The following AKR1E2 variants were observed in gnomAD, a reference collection of about 807,000 sequenced individuals.
AKR1E2 encodes the protein aldo-keto reductase family 1 member E2, also known as 1,5-anhydro-D-fructose reductase.
A neutral mutation model predicts 41.9 loss-of-function variants in AKR1E2; 43 were observed. That is an observed-to-expected ratio of 1.03 (90% CI 0.80 to 1.32). AKR1E2 has a LOEUF of 1.32. Among genes scored for constraint, AKR1E2 ranks in the 40% most tolerant of loss-of-function variants. The pLI, the probability that AKR1E2 is intolerant of heterozygous loss-of-function variation, is 0.00. For missense variants in AKR1E2, 423 were observed against 396.5 expected, an observed-to-expected ratio of 1.07 and a Z score of -0.57; for synonymous variants, 121 against 138.9, an observed-to-expected ratio of 0.87 and a Z score of 0.91.
chr10:4,835,622 T>TTTTTGTTTTGTTTTG, intron 3 of AKR1E2, 53 bp from the exon 4 acceptor site: 1 of 1,553,832 alleles, frequency 6.4e-7, no homozygotes, highest in South Asian at 1.2e-5. Flanking sequence ...CACATGGTTT[T>TTTTTGTTTTGTTTTG]TTTTGTTTTG....
intron 8 of AKR1E2, 68 bp from the exon 9 acceptor site, chr10:4,847,080 A>C (rs904626072): frequency 1.9e-6 from 3 of 1,553,658 alleles, no homozygotes; most frequent in Non-Finnish European, 1.8e-6. Flanking sequence ...TGTGCTATGT[A>C]GGTAACATGT....
chr10:4,855,775 A>G, the AKR1E2 span, among the ~76,000 whole-genome samples: 2 of 152,226 alleles, frequency 1.3e-5, no homozygotes, highest in Non-Finnish European at 2.9e-5. Flanking sequence ...GACAGTTTTA[A>G]AGATTATTGG....
At chr10:4,847,032 T>C (rs1834384984) in intron 8 of AKR1E2, 116 bp from the exon 9 acceptor site, 2 of 1,134,480 alleles carry the variant, frequency 1.8e-6, no homozygotes, top group African/African-American at 3.1e-5. Context: ...TGATGAAGTG[T>C]TTGTTTTACA....
the AKR1E2 span, among the ~76,000 whole-genome samples, chr10:4,869,474 T>G: frequency 7.9e-5 from 12 of 152,200 alleles, no homozygotes; most frequent in South Asian, 2.5e-3. Context: ...AACAACCAAT[T>G]CTTTGCTTCA....
chr10:4,845,431 C>T (rs760792513), intron 8 of AKR1E2, among the ~76,000 whole-genome samples: 176 of 151,150 alleles, frequency 1.2e-3, no homozygotes, highest in Non-Finnish European at 2.0e-3. Context: ...AGAGGAGGCC[C>T]GGAGAGCTAG....
intron 3 of AKR1E2, among the ~76,000 whole-genome samples, chr10:4,834,790 A>G (rs963994046): frequency 2.6e-5 from 4 of 152,224 alleles, no homozygotes; most frequent in Admixed American, 2.6e-4. Context: ...AAGGTCTCAG[A>G]TCATCCAACA....
chr10:4,833,128 T>C (rs572053566), intron 2 of AKR1E2, among the ~76,000 whole-genome samples: 266 of 152,136 alleles, frequency 1.7e-3, no homozygotes, highest in Middle Eastern at 3.4e-3. Flanking sequence ...TGAGGAGGAG[T>C]CAGGCAGAAG....
chr10:4,868,849 G>T, the AKR1E2 span, among the ~76,000 whole-genome samples: 1 of 152,030 alleles, frequency 6.6e-6, no homozygotes, highest in Non-Finnish European at 1.5e-5. Context: ...ACTGATTTTT[G>T]AACATTGAAC....
chr10:4,857,856 G>A, the AKR1E2 span, among the ~76,000 whole-genome samples: 6,544 of 151,822 alleles, frequency 0.043, 152 homozygotes, highest in East Asian at 0.073. Context: ...GATTTCAGTT[G>A]AGTCTTATCA....
At chr10:4,862,031 C>A in the AKR1E2 span, among the ~76,000 whole-genome samples, 45 of 152,236 alleles carry the variant, frequency 3.0e-4, no homozygotes, top group South Asian at 7.7e-3. Flanking sequence ...ATGGTATTGC[C>A]TAGGTTTTCT....
At chr10:4,833,037 G>A (rs1455499238) in intron 2 of AKR1E2, among the ~76,000 whole-genome samples, 2 of 152,174 alleles carry the variant, frequency 1.3e-5, no homozygotes, top group Non-Finnish European at 2.9e-5. Context: ...TCTGCCTGCA[G>A]GAATTTCATT....
At chr10:4,825,758 A>T (rs1832428636), upstream of AKR1E2, among the ~76,000 whole-genome samples, 1 of 152,268 alleles carries the variant, frequency 6.6e-6, no homozygotes, top group East Asian at 1.9e-4. Context: ...GCCCCAGGGG[A>T]CGCAGGACTC....
At chr10:4,861,898 G>A in the AKR1E2 span, among the ~76,000 whole-genome samples, 1 of 152,084 alleles carries the variant, frequency 6.6e-6, no homozygotes, top group East Asian at 1.9e-4. Flanking sequence ...CACTCTGATG[G>A]TAATTTCTTT....
intron 1 of AKR1E2, among the ~76,000 whole-genome samples, chr10:4,830,415 T>C (rs1054894567): frequency 6.6e-6 from 1 of 152,238 alleles, no homozygotes; most frequent in African/African-American, 2.4e-5. Flanking sequence ...TCAGGAAGCA[T>C]ACCATCTAGC....
intron 2 of AKR1E2, among the ~76,000 whole-genome samples, chr10:4,831,278 C>T (rs1314271271): frequency 6.6e-6 from 1 of 152,150 alleles, no homozygotes; most frequent in African/African-American, 2.4e-5. Context: ...AGGCATAAGG[C>T]AGGAAGCAGC....
At chr10:4,859,446 T>G in the AKR1E2 span, among the ~76,000 whole-genome samples, 3 of 152,164 alleles carry the variant, frequency 2.0e-5, no homozygotes, top group African/African-American at 7.2e-5. Flanking sequence ...TTATTTGATA[T>G]GTGAGAGAAA....
Position 4,835,822 on chromosome 10 carries a change from A to G in AKR1E2, c.459+13A>G, listed in dbSNP as rs747535530. On this transcript the variant is annotated intron_variant, in intron 4 of 9. Coordinates refer to ENST00000298375, the MANE Select transcript of AKR1E2 (RefSeq NM_001040177.3). Reference sequence around the variant, plus strand: ...GGACACGTGGGAGGTGAGCTGAGCCACACCACCAGGCAGCCTCATCCTGTG... The same window carrying G: ...GGACACGTGGGAGGTGAGCTGAGCCGCACCACCAGGCAGCCTCATCCTGTG... 1.2e-6 allele frequency: 2 copies of G among 1,613,186 alleles called. No homozygotes were observed. The highest frequency in any genetic ancestry group is 8.5e-7 in the Non-Finnish European group (1 of 1,179,784).
chr10:4,834,165 T>A (rs1833204551), intron 3 of AKR1E2, among the ~76,000 whole-genome samples: 1 of 152,224 alleles, frequency 6.6e-6, no homozygotes, highest in Non-Finnish European at 1.5e-5. Flanking sequence ...ACCTGTGAAA[T>A]ACAGAAGCCC....
intron 3 of AKR1E2, 28 bp from the exon 4 acceptor site, chr10:4,835,637 GTTTTGTTTTC>G: frequency 6.8e-7 from 1 of 1,471,786 alleles, no homozygotes; most frequent in South Asian, 1.1e-5. Context: ...GTTTTGTTTT[GTTTTGTTTTC>G]ACACATCTCA....
Sources: allele counts gnomAD v4.1 joint callset (sites outside exome capture counted in the v4.1 genomes callset), GRCh38; gene constraint gnomAD v4.1.1; transcripts MANE v1.5; gene names NCBI Gene and HGNC (gene_info 2026-07-23, HGNC 2026-07-21).